The following AGAP1 variants were observed in gnomAD, a reference collection of about 807,000 sequenced individuals.
The protein encoded by AGAP1 is ArfGAP with GTPase domain, ankyrin repeat and PH domain 1.
Under a neutral mutation model 105.3 loss-of-function variants are expected in AGAP1, and 29 were observed. The observed-to-expected ratio is 0.28, with a 90% CI of 0.21 to 0.38. The LOEUF (loss-of-function observed/expected upper bound fraction) is 0.38, where lower values mean the gene tolerates loss of function less well. AGAP1 is among the 10% of genes least tolerant of loss of function. The pLI is 1.00. For synonymous variants in AGAP1, 509 were observed against 485.9 expected, an observed-to-expected ratio of 1.05 and a Z score of -0.63; for missense variants, 998 against 1,165.1, an observed-to-expected ratio of 0.86 and a Z score of 2.09.
At chr2:235,693,708 T>C (rs920330166) in intron 1 of AGAP1, among the ~76,000 whole-genome samples, 1 of 152,104 alleles carries the variant, frequency 6.6e-6, no homozygotes, top group Non-Finnish European at 1.5e-5. Context: ...CACAAAACAT[T>C]AGAAGTAGTA....
chr2:235,611,828 T>C lies in AGAP1; in HGVS notation c.164-97351T>C, dbSNP rs775156320. Among the ~76,000 whole-genome samples, 3 of 152,234 alleles carry C rather than the reference T, an allele frequency of 2.0e-5. No homozygotes were observed. The highest frequency in any genetic ancestry group is 4.4e-5 in the Non-Finnish European group (3 of 68,046). On this transcript the variant is annotated intron_variant, in intron 1 of 17. Transcript: ENST00000304032. This position sits in a 1 kb window ranked among gnomAD's most constrained non-coding sequence, Gnocchi z 5.0. Reference sequence around the variant, plus strand: ...AGTTTTCATATAAATTAGATTTACATAGGAGACAAAGAAATCCTTCCCTCC... The same window carrying C: ...AGTTTTCATATAAATTAGATTTACACAGGAGACAAAGAAATCCTTCCCTCC...
At chr2:235,561,194 G>A (rs1415384338) in intron 1 of AGAP1, among the ~76,000 whole-genome samples, 1 of 152,214 alleles carries the variant, frequency 6.6e-6, no homozygotes, top group Non-Finnish European at 1.5e-5. Context: ...ACTGTGGGAT[G>A]AGGAGGCTTC....
At chr2:235,573,206 T>C (rs1301426465) in intron 1 of AGAP1, among the ~76,000 whole-genome samples, 2 of 150,950 alleles carry the variant, frequency 1.3e-5, no homozygotes, top group Non-Finnish European at 2.9e-5. Context: ...GCTCAAGTGC[T>C]CCTAGAGTAG....
intron 13 of AGAP1, among the ~76,000 whole-genome samples, chr2:236,021,481 A>G (rs2056882364): frequency 6.6e-6 from 1 of 152,114 alleles, no homozygotes; most frequent in Non-Finnish European, 1.5e-5. Flanking sequence ...TTATTCCTAT[A>G]ATTAGGAGTC....
In AGAP1 at chr2:235,977,179, T is replaced by C. The variant is rs1190961335; in HGVS notation, c.1645+8556T>C. ...GCACCGTGTTTTCCTGTGTGCACCC[T>C]GGGATTGGAATTCGGGCTAGCTTGG... On this transcript the variant is annotated intron_variant, in intron 13 of 17. Coordinates refer to ENST00000304032, the MANE Select transcript of AGAP1 (RefSeq NM_001037131.3). The surrounding 1 kb of genome is among the most constrained non-coding windows in gnomAD (Gnocchi z 5.2). Among the ~76,000 whole-genome samples the C allele has an allele frequency of 6.6e-6, 1 of 152,130 alleles. No homozygotes were observed.
In AGAP1 at chr2:235,516,646, G is replaced by A. The variant is rs186690644; in HGVS notation, c.163+21797G>A. 5.7e-3 allele frequency among the ~76,000 whole-genome samples: 862 copies of A among 152,246 alleles called. 16 individuals are homozygous for A. The highest frequency in any genetic ancestry group is 9.1e-3 in the Non-Finnish European group (621 of 68,018). On this transcript the variant is annotated intron_variant, in intron 1 of 17. Coordinates refer to ENST00000304032, the MANE Select transcript of AGAP1 (RefSeq NM_001037131.3). ...GGGACCCGGCAGGAATGTGTTTGTC[G>A]CCTCTGGCCCTGTGCACCCTGGCTT... is the stretch of plus-strand genomic sequence containing the variant.
At chr2:235,634,387 A>C (rs977344756) in intron 1 of AGAP1, among the ~76,000 whole-genome samples, 1 of 152,222 alleles carries the variant, frequency 6.6e-6, no homozygotes, top group Non-Finnish European at 1.5e-5. Flanking sequence ...TTTAAGCAAC[A>C]AAGAGCTGAG....
rs556896076 is a variant in AGAP1 at position 235,913,693 on chromosome 2, T to C, written c.1324+4787T>C. Among the ~76,000 whole-genome samples the C allele has an allele frequency of 3.0e-3, 463 of 152,326 alleles. 2 individuals are homozygous for C. The highest frequency in any genetic ancestry group is 0.01 in the African/African-American group (423 of 41,570). ...TTGGCTACTGCTGCCTGCTTATTTTTCCTCAAATGAACTAAAGAGTAACTT... is the reference window on the plus strand; with the variant it reads ...TTGGCTACTGCTGCCTGCTTATTTTCCCTCAAATGAACTAAAGAGTAACTT... On this transcript the variant is annotated intron_variant, in intron 11 of 17. Transcript: ENST00000304032.
In AGAP1 at chr2:236,128,080, C is replaced by CCT. The variant is rs2060030478; in HGVS notation, c.*3959_*3960insTC. 6.6e-6 allele frequency: 1 copy of CCT among 151,402 alleles called. No individual in the cohort carries two copies. Among genetic ancestry groups the CCT allele is most frequent in the South Asian group, 2.1e-4 (1 of 4,782 alleles). The allele number at this position is 151,402 out of a possible 1,614,324, so 9.4% of individuals were successfully genotyped here. A position where few individuals can be genotyped will look rare whatever the true frequency, so the allele number is the denominator to read the frequency against. On this transcript the variant is annotated 3_prime_UTR_variant, in exon 18 of 18. Coordinates refer to ENST00000304032, the MANE Select transcript of AGAP1 (RefSeq NM_001037131.3). The surrounding 1 kb of genome is among the most constrained non-coding windows in gnomAD (Gnocchi z 5.9). Reference sequence around the variant, plus strand: ...TGTGATGGGCACGTTTGCCAACCCCCCCCCCCCAGTAGAGCCCAGGACCCT... The same window carrying CCT: ...TGTGATGGGCACGTTTGCCAACCCCCCTCCCCCCCAGTAGAGCCCAGGACCCT...
chr2:235,808,306 G>A (rs1168997118), intron 9 of AGAP1, among the ~76,000 whole-genome samples: 2 of 152,296 alleles, frequency 1.3e-5, no homozygotes, highest in Non-Finnish European at 1.5e-5. Context: ...TCTCTCCTGC[G>A]GGCACCTACA....
rs560905660 is a variant in AGAP1, at chr2:235,932,533, C to T, written c.1483+1610C>T. ...TCTTGCATAGGGCCACGTTTGAGGG[C>T]GTGGGGAGATGCACGCTGGGCCTTC... On this transcript the variant is annotated intron_variant, in intron 12 of 17. Coordinates refer to ENST00000304032, the MANE Select transcript of AGAP1 (RefSeq NM_001037131.3). 5.9e-5 allele frequency among the ~76,000 whole-genome samples: 9 copies of T among 152,272 alleles called. No individual in the cohort carries two copies. The South Asian group carries it at 6.2e-4, about 11-fold the overall frequency.
At chr2:235,997,609 A>G (rs936380100) in intron 13 of AGAP1, among the ~76,000 whole-genome samples, 1 of 152,214 alleles carries the variant, frequency 6.6e-6, no homozygotes, top group Non-Finnish European at 1.5e-5. Context: ...TGGGGACTGC[A>G]TATGTTGATC....
rs1370455787 is a variant in AGAP1 at position 235,729,063 on chromosome 2, C to T, written c.310+11419C>T. ...TGATAAGAGTCAGAGTGGCTGGGCT[C>T]CAGGGCTCCAGCCAGGCTATTAGCA... On this transcript the variant is annotated intron_variant, in intron 3 of 17. Transcript: ENST00000304032. The surrounding 1 kb of genome is among the most constrained non-coding windows in gnomAD (Gnocchi z 5.0). 6.6e-6 allele frequency among the ~76,000 whole-genome samples: 1 copy of T among 152,052 alleles called. No homozygotes were observed. Among genetic ancestry groups the T allele is most frequent in the Non-Finnish European group, 1.5e-5 (1 of 68,028 alleles).
rs2049056662 is a variant in AGAP1, at chr2:235,864,299, G to C, written c.1051-19046G>C. On this transcript the variant is annotated intron_variant, in intron 9 of 17. Transcript: ENST00000304032. This position sits in a 1 kb window ranked among gnomAD's most constrained non-coding sequence, Gnocchi z 5.0. ...GCAGAATGCCCCCATCATGTGAAGGGGTTCGGCTCACTCTGTGGCCGGCCT... is the reference window on the plus strand; with the variant it reads ...GCAGAATGCCCCCATCATGTGAAGGCGTTCGGCTCACTCTGTGGCCGGCCT... Among the ~76,000 whole-genome samples, 1 of 152,214 alleles carries C rather than the reference G, an allele frequency of 6.6e-6. No individual in the cohort carries two copies. Among genetic ancestry groups the C allele is most frequent in the Non-Finnish European group, 1.5e-5 (1 of 68,042 alleles).
Position 235,704,330 on chromosome 2 carries a change from A to G in AGAP1, c.164-4849A>G, listed in dbSNP as rs184981312. ...GATGAAGAGTAATAAAGTGTGGACA[A>G]AGCTCTGCAGGGAGCTTGTTAGAAA... On this transcript the variant is annotated intron_variant, in intron 1 of 17. Coordinates refer to ENST00000304032, the MANE Select transcript of AGAP1 (RefSeq NM_001037131.3). 6.6e-4 allele frequency among the ~76,000 whole-genome samples: 101 copies of G among 152,324 alleles called. 1 individual carries two copies. Among genetic ancestry groups the G allele is most frequent in the African/African-American group, 2.3e-3 (96 of 41,570 alleles).
chr2:235,694,395 C>T (rs1035964107), intron 1 of AGAP1, among the ~76,000 whole-genome samples: 35 of 150,644 alleles, frequency 2.3e-4, no homozygotes, highest in Non-Finnish European at 1.8e-4. Flanking sequence ...AGAAGAATGG[C>T]GTGAACACGG....
intron 16 of AGAP1, among the ~76,000 whole-genome samples, chr2:236,094,769 T>C (rs2059151178): frequency 6.6e-6 from 1 of 151,546 alleles, no homozygotes; most frequent in African/African-American, 2.4e-5. Flanking sequence ...CCCAAAACAA[T>C]GAAAAAGCCT....
chr2:235,530,270 A>G (rs1285231859), intron 1 of AGAP1, among the ~76,000 whole-genome samples: 1 of 152,132 alleles, frequency 6.6e-6, no homozygotes, highest in African/African-American at 2.4e-5. Flanking sequence ...TTTGATGTAC[A>G]GTCGACTTGC....
intron 1 of AGAP1, among the ~76,000 whole-genome samples, chr2:235,548,609 C>T (rs867796267): frequency 4.0e-5 from 6 of 150,450 alleles, no homozygotes; most frequent in African/African-American, 1.2e-4. Context: ...GCCAAGATTG[C>T]GCCATTGCAC....
Sources: gnomAD v4.1 joint callset for allele counts (sites outside exome capture counted in the v4.1 genomes callset) on GRCh38, gnomAD v4.1.1 for gene constraint, Gnocchi (gnomAD v3.1) non-coding constraint, MANE v1.5 for transcripts, NCBI Gene and HGNC (gene_info 2026-07-23, HGNC 2026-07-21) for gene names.